Variants in PCID2 observed in about 807,000 individuals in gnomAD.
The protein encoded by PCID2 is PCI domain-containing protein 2.
Under a neutral mutation model 61.3 loss-of-function variants are expected in PCID2, and 41 were observed. The observed-to-expected ratio is 0.67, with a 90% confidence interval of 0.52 to 0.87. The LOEUF (loss-of-function observed/expected upper bound fraction) is 0.87. Ranked by LOEUF, PCID2 falls within the 40% of genes least tolerant of loss-of-function variation. PCID2 has a pLI of 0.00. For missense variants in PCID2, 392 were observed against 493.4 expected (o/e 0.79, Z 1.95); for synonymous variants, 187 against 177.8 (o/e 1.05, Z -0.41).
chr13:113,205,128 TTTCCAA>T (rs1245874334), intron 1 of PCID2, among the ~76,000 whole-genome samples: 3 of 152,222 alleles, frequency 2.0e-5, no homozygotes, highest in Non-Finnish European at 2.9e-5. Context: ...ATAGTCAAAC[TTTCCAA>T]TTCCATAAAC....
the PCID2 span, among the ~76,000 whole-genome samples, chr13:113,169,896 C>A: frequency 3.3e-5 from 5 of 152,258 alleles, no homozygotes; most frequent in African/African-American, 9.6e-5. Flanking sequence ...CTACCAAGCT[C>A]TCTCCTCTGC....
chr13:113,184,566 C>T (rs1319099303), intron 8 of PCID2, 79 bp from the exon 9 acceptor site: 5 of 783,006 alleles, frequency 6.4e-6, no homozygotes, highest in Non-Finnish European at 8.6e-6. Flanking sequence ...AGCATGTCTC[C>T]TTAAAATGCA....
the PCID2 span, among the ~76,000 whole-genome samples, chr13:113,170,920 ATTTC>A: frequency 1.4e-5 from 2 of 144,410 alleles, no homozygotes; most frequent in Non-Finnish European, 3.0e-5. Flanking sequence ...ATCTGTGCCT[ATTTC>A]TTTCTTTTTT....
chr13:113,171,446 CA>C, the PCID2 span: 1 of 900,538 alleles, frequency 1.1e-6, no homozygotes, highest in East Asian at 2.6e-5. This position sits in a 1 kb window ranked among gnomAD's most constrained non-coding sequence, Gnocchi z 5.1. Flanking sequence ...CGCAGAAAGG[CA>C]CAGTGTCCAC....
At chr13:113,207,521 T>C (rs2039977998) in intron 1 of PCID2, among the ~76,000 whole-genome samples, 1 of 152,204 alleles carries the variant, frequency 6.6e-6, no homozygotes, top group Non-Finnish European at 1.5e-5. Flanking sequence ...CATCAAAAGA[T>C]TGGCAAGTAT....
At chr13:113,168,753 G>A in the PCID2 span, among the ~76,000 whole-genome samples, 7 of 151,898 alleles carry the variant, frequency 4.6e-5, no homozygotes, top group Admixed American at 6.6e-5. Context: ...TTTTGAGACC[G>A]GGTCTCGCCC....
chr13:113,208,219 A>G, intron 1 of PCID2: 5 of 1,521,536 alleles, frequency 3.3e-6, no homozygotes, highest in Non-Finnish European at 4.4e-6. Flanking sequence ...GCTGGGAAAC[A>G]GCGTCCATCC....
intron 1 of PCID2, chr13:113,208,374 G>C: frequency 1.4e-6 from 2 of 1,434,484 alleles, no homozygotes; most frequent in Non-Finnish European, 9.1e-7. Flanking sequence ...CGCGATCCAC[G>C]GACACCGCCC....
At chr13:113,188,368 C>T (rs758393255) in intron 7 of PCID2, 3 of 152,244 alleles carry the variant, frequency 2.0e-5, no homozygotes, top group African/African-American at 7.2e-5. Context: ...GTAGGCTTGG[C>T]TGAACAGTTG....
At chr13:113,191,681 A>G (rs1234873114) in intron 6 of PCID2, among the ~76,000 whole-genome samples, 2 of 152,238 alleles carry the variant, frequency 1.3e-5, no homozygotes, top group Non-Finnish European at 2.9e-5. Flanking sequence ...TAAAGAAGAA[A>G]GAGTCTGTTT....
intron 7 of PCID2, 43 bp from the exon 8 acceptor site, chr13:113,185,603 AT>A: frequency 7.9e-7 from 1 of 1,270,690 alleles, no homozygotes; most frequent in Non-Finnish European, 1.1e-6. Flanking sequence ...GGAAATAAAA[AT>A]TTTATTTATA....
intron 13 of PCID2, 49 bp from the exon 14 acceptor site, chr13:113,178,336 A>T (rs191479279): frequency 9.0e-6 from 12 of 1,338,162 alleles, no homozygotes; most frequent in Non-Finnish European, 1.3e-5. Context: ...GATCTGAGTC[A>T]TGTCAAAGAT....
intron 6 of PCID2, among the ~76,000 whole-genome samples, chr13:113,194,301 G>A (rs918583831): frequency 2.0e-5 from 3 of 152,168 alleles, no homozygotes; most frequent in African/African-American, 7.2e-5. Context: ...CAGCCTCCTG[G>A]TTTCCTTGGG....
At chr13:113,172,260 T>C in the PCID2 span, 1 of 1,031,286 alleles carries the variant, frequency 9.7e-7, no homozygotes, top group East Asian at 2.6e-5. Context: ...GAGCCGCCGT[T>C]TGCTGGGTTG....
chr13:113,176,287 CG>C (rs1461874896), downstream of PCID2, among the ~76,000 whole-genome samples: 2 of 152,250 alleles, frequency 1.3e-5, no homozygotes, highest in Non-Finnish European at 2.9e-5. Context: ...TTTTTATAAA[CG>C]GGGAAATGTG....
At chr13:113,208,175 G>A (rs906987395) in intron 1 of PCID2, 25 of 1,579,026 alleles carry the variant, frequency 1.6e-5, no homozygotes, top group Non-Finnish European at 1.9e-5. Context: ...CTCCTCCATC[G>A]CCTCCTGGAG....
chr13:113,188,370 G>A (rs184708634), intron 7 of PCID2: 3 of 152,348 alleles, frequency 2.0e-5, no homozygotes, highest in Admixed American at 1.3e-4. Flanking sequence ...AGGCTTGGCT[G>A]AACAGTTGCA....
chr13:113,171,825 C>T, the PCID2 span: 1 of 1,613,622 alleles, frequency 6.2e-7, no homozygotes. This position sits in a 1 kb window ranked among gnomAD's most constrained non-coding sequence, Gnocchi z 5.1. Context: ...CGCAATGGCA[C>T]TGACCTGGGC....
rs1430979082 is a variant in PCID2, at chr13:113,208,253, C to A, written c.36+346G>T. The A allele has an allele frequency of 3.5e-6, 5 of 1,439,282 alleles. No individual in the cohort carries two copies. In the East Asian group the frequency reaches 9.9e-5, roughly 29 times the overall value. 89.2% of individuals were successfully genotyped at this position (1,439,282 alleles called of 1,614,324 possible). A position where few individuals can be genotyped will look rare whatever the true frequency, so the allele number is the denominator to read the frequency against. On this transcript the variant is annotated intron_variant, in intron 1 of 13. Coordinates refer to ENST00000337344, the MANE Select transcript of PCID2 (RefSeq NM_001127202.4). ...CCGACACAGCACCGCCCACAGCGGG[C>A]CCTCGGCGTGGCCCGCAGGCCCTTC...
Sources: allele counts gnomAD v4.1 joint callset (sites outside exome capture counted in the v4.1 genomes callset), GRCh38; gene constraint gnomAD v4.1.1; non-coding constraint Gnocchi (gnomAD v3.1); transcripts MANE v1.5; gene names NCBI Gene and HGNC (gene_info 2026-07-23, HGNC 2026-07-21).